SLC1A2: variants seen among roughly 807,000 people sequenced by gnomAD.
The protein encoded by SLC1A2 is excitatory amino acid transporter 2.
A neutral mutation model predicts 48.8 loss-of-function variants in SLC1A2; 15 were observed. The ratio of observed to expected loss-of-function variants is 0.31; its 90% CI spans 0.21 to 0.47. The LOEUF (loss-of-function observed/expected upper bound fraction) is 0.47, where lower values mean the gene tolerates loss of function less well. Ranked by LOEUF, SLC1A2 falls within the 20% of genes least tolerant of loss-of-function variation. The pLI, the probability that SLC1A2 is intolerant of heterozygous loss-of-function variation, is 0.99. For synonymous variants in SLC1A2, 279 were observed against 272.6 expected (o/e 1.02, Z -0.23); for missense variants, 502 against 730.5 (o/e 0.69, Z 3.61).
At chr11:35,266,487 T>C (rs1310056817) in intron 9 of SLC1A2, among the ~76,000 whole-genome samples, 2 of 152,092 alleles carry the variant, frequency 1.3e-5, no homozygotes, top group African/African-American at 2.4e-5. Flanking sequence ...GTTAAGAAAA[T>C]CCTTCTCCCC....
chr11:35,399,306 T>C (rs138813722), intron 1 of SLC1A2, among the ~76,000 whole-genome samples: 2 of 152,272 alleles, frequency 1.3e-5, no homozygotes, highest in Non-Finnish European at 1.5e-5. Flanking sequence ...CTAAGGCTCA[T>C]GGGACACTAA....
chr11:35,267,634 C>T (rs895341360), intron 9 of SLC1A2, among the ~76,000 whole-genome samples: 1 of 152,154 alleles, frequency 6.6e-6, no homozygotes, highest in African/African-American at 2.4e-5. Context: ...AACTAGCTGA[C>T]CTATTTGTCC....
intron 1 of SLC1A2, among the ~76,000 whole-genome samples, chr11:35,372,958 G>A (rs750123390): frequency 2.6e-5 from 4 of 152,180 alleles, no homozygotes; most frequent in Non-Finnish European, 5.9e-5. Context: ...TAACTTGCTC[G>A]AACTTGTTTA....
chr11:35,293,322 T>C (rs1382129043), intron 6 of SLC1A2, among the ~76,000 whole-genome samples: 1 of 152,244 alleles, frequency 6.6e-6, no homozygotes, highest in Non-Finnish European at 1.5e-5. Context: ...CTGGGGGATT[T>C]TCCCAACCAA....
rs149397328 is a variant in SLC1A2 at position 35,358,796 on chromosome 11, C to G, written c.18-41280G>C. Among the ~76,000 whole-genome samples, 14 of 152,010 alleles carry G rather than the reference C, an allele frequency of 9.2e-5. 1 individual carries two copies. The East Asian group carries it at 2.5e-3, about 27-fold the overall frequency. On this transcript the variant is annotated intron_variant, in intron 1 of 10. Coordinates refer to ENST00000278379, the MANE Select transcript of SLC1A2 (RefSeq NM_004171.4). ...TGTTGAGAGAATAAATAAGTACTAG[C>G]CATTTTTTCCAATAATGGAAAAAAA...
intron 1 of SLC1A2, chr11:35,371,091 C>T: frequency 1.0e-6 from 1 of 970,184 alleles, no homozygotes; most frequent in African/African-American, 1.8e-5. Context: ...CACTTTGGTC[C>T]AGCACCTGTA....
At chr11:35,273,570 C>T (rs1248881367) in intron 9 of SLC1A2, among the ~76,000 whole-genome samples, 2 of 152,194 alleles carry the variant, frequency 1.3e-5, no homozygotes. Context: ...AGAAGCTTCT[C>T]ATTATATTAC....
intron 1 of SLC1A2, among the ~76,000 whole-genome samples, chr11:35,395,952 T>G (rs903460907): frequency 1.3e-4 from 20 of 149,404 alleles, no homozygotes; most frequent in African/African-American, 4.7e-4. Flanking sequence ...TTGCGATAGA[T>G]TACTGAGAAT....
intron 9 of SLC1A2, among the ~76,000 whole-genome samples, chr11:35,274,200 T>C (rs1270594859): frequency 6.6e-6 from 1 of 152,250 alleles, no homozygotes; most frequent in East Asian, 1.9e-4. Flanking sequence ...ATTTTATTAC[T>C]CTTTTGAACT....
intron 7 of SLC1A2, among the ~76,000 whole-genome samples, chr11:35,290,064 G>A (rs1401733493): frequency 6.6e-6 from 1 of 152,140 alleles, no homozygotes; most frequent in East Asian, 1.9e-4. Flanking sequence ...AAAGTGACTG[G>A]CAATATCCAG....
At position 35,370,738 on chromosome 11, in the gene SLC1A2, G is replaced by C. The variant is rs1028028116; in HGVS notation, c.17+48212C>G. ...TCTTATGTGAGAGGCTGTCTCACTG[G>C]AGGCAGTGTCTGAAAGAAGAACTGG... On this transcript the variant is annotated intron_variant, in intron 1 of 10. Coordinates refer to ENST00000278379, the MANE Select transcript of SLC1A2 (RefSeq NM_004171.4). 2.0e-5 allele frequency among the ~76,000 whole-genome samples: 3 copies of C among 152,064 alleles called. 1 individual carries two copies. Among genetic ancestry groups the C allele is most frequent in the Non-Finnish European group, 4.4e-5 (3 of 68,016 alleles).
chr11:35,395,978 C>T (rs1402940461), intron 1 of SLC1A2, among the ~76,000 whole-genome samples: 1 of 149,320 alleles, frequency 6.7e-6, no homozygotes, highest in Admixed American at 6.6e-5. Context: ...TTTCCAATTT[C>T]ATCCATGTCC....
intron 4 of SLC1A2, among the ~76,000 whole-genome samples, chr11:35,310,095 G>A (rs3903687): frequency 0.52 from 78,489 of 152,050 alleles, 22,550 homozygotes; most frequent in East Asian, 0.74. Context: ...CTCCACAAAA[G>A]TTCACTCCAA....
intron 1 of SLC1A2, among the ~76,000 whole-genome samples, chr11:35,389,600 A>G (rs1156385638): frequency 6.6e-6 from 1 of 151,884 alleles, no homozygotes; most frequent in Non-Finnish European, 1.5e-5. Context: ...CCTCCGGAGT[A>G]GCTGGGATTA....
At chr11:35,314,785 CT>C (rs5791048) in intron 3 of SLC1A2, among the ~76,000 whole-genome samples, 19 of 141,050 alleles carry the variant, frequency 1.3e-4, no homozygotes, top group African/African-American at 2.6e-4. Context: ...CTTTTCTTTT[CT>C]TTTTTTTTTT....
At chr11:35,418,428 G>A (rs926793633) in intron 1 of SLC1A2, 1 of 152,874 alleles carries the variant, frequency 6.5e-6, no homozygotes, top group East Asian at 1.9e-4. Context: ...CGCCTTCCAG[G>A]GACAAGGACC....
chr11:35,277,949 A>G (rs1038729816), intron 9 of SLC1A2, among the ~76,000 whole-genome samples: 2 of 151,952 alleles, frequency 1.3e-5, no homozygotes, highest in Middle Eastern at 3.2e-3. Flanking sequence ...CCCTTCTCTC[A>G]CAATCCTTCT....
In SLC1A2 at chr11:35,280,883, C is replaced by T. The variant is rs1295018280; in HGVS notation, c.1405G>A (p.Ala469Thr). 8.1e-6 allele frequency: 13 copies of T among 1,610,502 alleles called. No individual in the cohort carries two copies. The highest frequency in any genetic ancestry group is 1.1e-5 in the Non-Finnish European group (13 of 1,178,336). ...GACACTTACAGCAGCCAGTCCACAG[C>T]CACCAGCAGGCTGATGTCCTCTGTT... Reference protein sequence around the residue: ...LPTEDISLLVAVDWLLDRMRT... With the variant: ...LPTEDISLLVTVDWLLDRMRT... The change falls in exon 9 of 11, where the codon GCT becomes ACT. Residue 469 changes from alanine (A) to threonine (T), a missense_variant. Coordinates refer to ENST00000278379, the MANE Select transcript of SLC1A2 (RefSeq NM_004171.4).
chr11:35,374,258 C>G, intron 1 of SLC1A2: 1 of 904,632 alleles, frequency 1.1e-6, no homozygotes, highest in Non-Finnish European at 1.7e-6. Flanking sequence ...ACTCCCGAAG[C>G]TGAGAAATGG....
Sources: allele counts gnomAD v4.1 joint callset (sites outside exome capture counted in the v4.1 genomes callset), GRCh38; gene constraint gnomAD v4.1.1; transcripts MANE v1.5; gene names NCBI Gene and HGNC (gene_info 2026-07-23, HGNC 2026-07-21).